CNTN5: variants seen among roughly 807,000 people sequenced by gnomAD.
CNTN5 encodes the protein contactin-5.
CNTN5 carries 77 observed loss-of-function variants against 129.1 expected under a neutral mutation model. That is an observed-to-expected ratio of 0.60 (90% confidence interval 0.50 to 0.72). The LOEUF (loss-of-function observed/expected upper bound fraction) is 0.72. Ranked by LOEUF, CNTN5 falls within the 30% of genes least tolerant of loss-of-function variation. The pLI is 0.00. For missense variants in CNTN5, 1,478 were observed against 1,328.8 expected, an observed-to-expected ratio of 1.11 and a Z score of -1.75; for synonymous variants, 509 against 465.6, an observed-to-expected ratio of 1.09 and a Z score of -1.20.
At chr11:100,270,180 CA>C (rs1437047448) in intron 17 of CNTN5, among the ~76,000 whole-genome samples, 12 of 152,176 alleles carry the variant, frequency 7.9e-5, no homozygotes, top group African/African-American at 2.9e-4. Flanking sequence ...ATTCACCTTT[CA>C]CAGAGCTACT....
intron 3 of CNTN5, among the ~76,000 whole-genome samples, chr11:99,715,678 A>C (rs1242737336): frequency 6.6e-6 from 1 of 152,048 alleles, no homozygotes; most frequent in South Asian, 2.1e-4. Context: ...ATGGTATATC[A>C]TCATCTCTTT....
chr11:99,547,007 T>C (rs1490346864), intron 2 of CNTN5, among the ~76,000 whole-genome samples: 1 of 150,006 alleles, frequency 6.7e-6, no homozygotes, highest in African/African-American at 2.4e-5. Context: ...TATTTTCTTT[T>C]TTTTTTTTTT....
At chr11:100,203,224 T>C (rs1409745160) in intron 15 of CNTN5, among the ~76,000 whole-genome samples, 3 of 152,054 alleles carry the variant, frequency 2.0e-5, no homozygotes, top group Non-Finnish European at 4.4e-5. Flanking sequence ...GTTCTGTGGG[T>C]GTGTTTTCCC....
chr11:99,732,073 G>A (rs1289468623), intron 3 of CNTN5, among the ~76,000 whole-genome samples: 1 of 152,142 alleles, frequency 6.6e-6, no homozygotes, highest in Non-Finnish European at 1.5e-5. Flanking sequence ...TAGATACAAA[G>A]AAGACAAATA....
intron 3 of CNTN5, among the ~76,000 whole-genome samples, chr11:99,712,069 A>G (rs987647210): frequency 6.6e-6 from 1 of 152,110 alleles, no homozygotes; most frequent in African/African-American, 2.4e-5. Context: ...TGTCTTCCAC[A>G]ATGGTTGAAC....
intron 3 of CNTN5, among the ~76,000 whole-genome samples, chr11:99,801,133 A>G (rs572615620): frequency 6.6e-6 from 1 of 152,194 alleles, no homozygotes; most frequent in Non-Finnish European, 1.5e-5. Context: ...CCTAGTGCTA[A>G]TGAATTCCCT....
intron 1 of CNTN5, among the ~76,000 whole-genome samples, chr11:99,180,639 T>G (rs1419830657): frequency 6.6e-6 from 1 of 152,204 alleles, no homozygotes; most frequent in Admixed American, 6.5e-5. Context: ...GTTGTTTGTG[T>G]CCATGTTCAA....
intron 1 of CNTN5, among the ~76,000 whole-genome samples, chr11:99,311,738 T>C (rs1865124642): frequency 6.6e-6 from 1 of 152,206 alleles, no homozygotes; most frequent in South Asian, 2.1e-4. Flanking sequence ...GAAAATTGTA[T>C]CTTTTATTTT....
intron 1 of CNTN5, among the ~76,000 whole-genome samples, chr11:99,085,199 C>T (rs922217600): frequency 6.6e-6 from 1 of 151,944 alleles, no homozygotes; most frequent in Non-Finnish European, 1.5e-5. Flanking sequence ...CAGGTACCCC[C>T]ACGCCCAGCT....
chr11:100,252,914 A>G (rs563939214), intron 16 of CNTN5, among the ~76,000 whole-genome samples: 4 of 152,264 alleles, frequency 2.6e-5, no homozygotes, highest in Non-Finnish European at 4.4e-5. Context: ...CCTCAACTCA[A>G]AATTCACACA....
chr11:100,261,670 C>A (rs963828282), intron 17 of CNTN5, among the ~76,000 whole-genome samples: 2 of 152,084 alleles, frequency 1.3e-5, no homozygotes, highest in Non-Finnish European at 2.9e-5. Flanking sequence ...TGATCTTTGA[C>A]AAACCTGACA....
chr11:99,924,554 A>G (rs1263556426), intron 7 of CNTN5, among the ~76,000 whole-genome samples: 1 of 151,892 alleles, frequency 6.6e-6, no homozygotes, highest in African/African-American at 2.4e-5. Flanking sequence ...GGTTGTGGGT[A>G]TGCAGCTTTA....
intron 5 of CNTN5, 50 bp from the exon 6 acceptor site, chr11:99,845,037 G>C (rs778390298): frequency 4.4e-6 from 7 of 1,608,586 alleles, no homozygotes; most frequent in Non-Finnish European, 5.9e-6. Flanking sequence ...ATGATATTCT[G>C]ACACTCTCAG....
intron 1 of CNTN5, among the ~76,000 whole-genome samples, chr11:99,064,315 A>G (rs1865012169): frequency 6.6e-6 from 1 of 152,180 alleles, no homozygotes; most frequent in Non-Finnish European, 1.5e-5. Flanking sequence ...TGATTTGCCA[A>G]TTCATTCTGT....
At chr11:99,244,155 T>C (rs994906699) in intron 1 of CNTN5, among the ~76,000 whole-genome samples, 1 of 152,184 alleles carries the variant, frequency 6.6e-6, no homozygotes, top group African/African-American at 2.4e-5. Context: ...CAGTGTTTTA[T>C]AGTACTCGTC....
chr11:99,735,369 A>C (rs1212640539), intron 3 of CNTN5, among the ~76,000 whole-genome samples: 1 of 152,206 alleles, frequency 6.6e-6, no homozygotes, highest in Non-Finnish European at 1.5e-5. Context: ...TTGAGGTACA[A>C]AATTTTAAAA....
At chr11:99,136,957 A>G (rs1859262562) in intron 1 of CNTN5, among the ~76,000 whole-genome samples, 1 of 152,224 alleles carries the variant, frequency 6.6e-6, no homozygotes, top group African/African-American at 2.4e-5. Flanking sequence ...TACATTACTA[A>G]GATGCTGAAA....
intron 3 of CNTN5, among the ~76,000 whole-genome samples, chr11:99,667,864 TATATCTGTGTAACAAACCACCATGGC>T (rs2135936913): frequency 1.3e-5 from 2 of 152,062 alleles, no homozygotes; most frequent in South Asian, 4.2e-4. Context: ...ATGGCACAGG[TATATCTGTGTAACAAACCACCATGGC>T]ACCCATATAC....
At chr11:100,216,650 AG>A (rs1308949971) in intron 15 of CNTN5, among the ~76,000 whole-genome samples, 1 of 152,074 alleles carries the variant, frequency 6.6e-6, no homozygotes, top group African/African-American at 2.4e-5. Context: ...GTTATCGGAA[AG>A]GTGATACTGA....
Sources: gnomAD v4.1 joint callset for allele counts (sites outside exome capture counted in the v4.1 genomes callset) on GRCh38, gnomAD v4.1.1 for gene constraint, MANE v1.5 for transcripts, NCBI Gene and HGNC (gene_info 2026-07-23, HGNC 2026-07-21) for gene names.